AFDN: variants seen among roughly 807,000 people sequenced by gnomAD.
AFDN encodes afadin.
In AFDN, 68 loss-of-function variants were observed where a neutral mutation model predicts 216.6. That is an observed-to-expected ratio of 0.31 (90% CI 0.26 to 0.38). The LOEUF (loss-of-function observed/expected upper bound fraction) is 0.38. Ranked by LOEUF, AFDN falls within the 10% of genes least tolerant of loss-of-function variation. The probability of loss-of-function intolerance (pLI) is 1.00; values close to 1 mark genes in which losing one functional copy is unlikely to be tolerated. For synonymous variants in AFDN, 868 were observed against 853.7 expected (o/e 1.02, Z -0.29); for missense variants, 2,136 against 2,342.0 (o/e 0.91, Z 1.82).
chr6:167,836,770 T>G (rs1780489353), intron 1 of AFDN, among the ~76,000 whole-genome samples: 1 of 152,216 alleles, frequency 6.6e-6, no homozygotes, highest in South Asian at 2.1e-4. Context: ...AACCGTTTAG[T>G]GCATCATGCT....
At chr6:167,865,389 T>C (rs1784063755) in intron 2 of AFDN, among the ~76,000 whole-genome samples, 1 of 152,042 alleles carries the variant, frequency 6.6e-6, no homozygotes, top group Admixed American at 6.5e-5. Context: ...CCTGACACTT[T>C]GGGAGGCTGA....
intron 6 of AFDN, among the ~76,000 whole-genome samples, chr6:167,882,776 A>G (rs1410648084): frequency 6.6e-6 from 1 of 152,228 alleles, no homozygotes; most frequent in Non-Finnish European, 1.5e-5. Context: ...ATAATGGTAT[A>G]ATTGCTTTGA....
intron 1 of AFDN, among the ~76,000 whole-genome samples, chr6:167,834,582 G>A (rs187493856): frequency 1.6e-4 from 24 of 147,950 alleles, no homozygotes; most frequent in African/African-American, 5.2e-4. Context: ...CCCATGGAAC[G>A]ATTCTTTTTA....
In AFDN at chr6:167,924,983, AAC is replaced by A; in HGVS notation, c.3013-21_3013-20del. 3 of 1,558,654 alleles carry A rather than the reference AAC, an allele frequency of 1.9e-6. No individual in the cohort carries two copies. Among genetic ancestry groups the A allele is most frequent in the Non-Finnish European group, 2.7e-6 (3 of 1,129,650 alleles). ...GCACTTCCATTTCAGTCATAAAATAAACCTTTGTTTTCATCCTTTAGGCTCAG... is the reference window on the plus strand; with the variant it reads ...GCACTTCCATTTCAGTCATAAAATAACTTTGTTTTCATCCTTTAGGCTCAG... On this transcript the variant is annotated intron_variant, in intron 22 of 33. Transcript: ENST00000683244.
chr6:167,882,221 ATAAAG>A (rs1463058120), intron 6 of AFDN, among the ~76,000 whole-genome samples: 3 of 152,302 alleles, frequency 2.0e-5, no homozygotes, highest in East Asian at 3.9e-4. Context: ...TAAAAAATAT[ATAAAG>A]TAAATAAGCG....
chr6:167,935,135 T>G (rs1793824524), intron 23 of AFDN, among the ~76,000 whole-genome samples: 1 of 152,200 alleles, frequency 6.6e-6, no homozygotes, highest in Non-Finnish European at 1.5e-5. Flanking sequence ...TTTGTCCTCC[T>G]TTCTTCTCTC....
At chr6:167,889,704 G>A (rs2285239) in intron 7 of AFDN, among the ~76,000 whole-genome samples, 133,718 of 152,264 alleles carry the variant, frequency 0.88, 58,936 homozygotes, top group Non-Finnish European at 0.92. Context: ...GAGTGTTGCC[G>A]TTGTCCCTAA....
At chr6:167,964,604 C>T (rs905950597) in intron 31 of AFDN, 11 of 1,043,178 alleles carry the variant, frequency 1.1e-5, no homozygotes, top group African/African-American at 5.3e-5. Flanking sequence ...AGTGACATTG[C>T]GTATTCACTC....
intron 1 of AFDN, among the ~76,000 whole-genome samples, chr6:167,852,435 CT>C (rs1405987280): frequency 1.3e-5 from 2 of 152,126 alleles, no homozygotes; most frequent in Admixed American, 6.5e-5. Context: ...GCTTTAAAGG[CT>C]TGAATGGATT....
intron 13 of AFDN, among the ~76,000 whole-genome samples, chr6:167,910,744 G>T (rs1225971359): frequency 1.3e-5 from 2 of 152,132 alleles, no homozygotes; most frequent in Non-Finnish European, 2.9e-5. Flanking sequence ...TTTTCTTTGT[G>T]TCACTTAGTA....
intron 11 of AFDN, among the ~76,000 whole-genome samples, 156 bp from the exon 12 acceptor site, chr6:167,902,161 G>GT (rs1245800565): frequency 6.6e-6 from 1 of 151,706 alleles, no homozygotes; most frequent in Non-Finnish European, 1.5e-5. Flanking sequence ...TCATAAGGTG[G>GT]TTTTTTAATT....
chr6:167,898,066 T>G, intron 10 of AFDN, 139 bp from the exon 11 acceptor site: 1 of 896,780 alleles, frequency 1.1e-6, no homozygotes, highest in Non-Finnish European at 1.7e-6. Context: ...TTGAGGGAAA[T>G]CCACTTTAAA....
At chr6:167,963,158 A>T in intron 31 of AFDN, 1 of 1,065,902 alleles carries the variant, frequency 9.4e-7, no homozygotes, top group East Asian at 5.0e-5. Context: ...CTTTTAATTG[A>T]ATTTTAAAAT....
At chr6:167,855,292 A>G (rs1356826052) in intron 1 of AFDN, among the ~76,000 whole-genome samples, 1 of 152,130 alleles carries the variant, frequency 6.6e-6, no homozygotes, top group African/African-American at 2.4e-5. Flanking sequence ...GGACGGTTGA[A>G]CTACTTGTTG....
At chr6:167,955,622 C>A (rs1236142840) in intron 30 of AFDN, among the ~76,000 whole-genome samples, 1 of 152,138 alleles carries the variant, frequency 6.6e-6, no homozygotes, top group African/African-American at 2.4e-5. Flanking sequence ...AAGAGAGTTT[C>A]TTATACTATG....
Position 167,890,958 on chromosome 6 carries a change from G to A in AFDN, c.1106G>A (p.Arg369Lys), listed in dbSNP as rs749469430. The change falls in exon 8 of 34, where the codon AGA (arginine) becomes AAA (lysine). Residue 369 changes from arginine (R) to lysine (K), a missense_variant. Physicochemically the swap from Arg to Lys is conservative, Grantham distance 26. Transcript: ENST00000683244. ...LEGKTPKGKE[R>K]ADGSGYGSTL... ...GGCAAGACACCCAAGGGAAAGGAGA[G>A]AGCTGACGGGTCTGGCTATGGCTCC... The A allele has an allele frequency of 5.0e-6, 8 of 1,614,152 alleles. 1 individual carries two copies. In the South Asian group the frequency reaches 8.8e-5, roughly 18 times the overall value.
intron 23 of AFDN, chr6:167,932,474 A>G (rs1054872099): frequency 8.6e-5 from 13 of 151,984 alleles, no homozygotes; most frequent in Non-Finnish European, 1.8e-4. Context: ...CCTCCTTTTT[A>G]TTTTTCTAAG....
chr6:167,894,855 A>T (rs1369308147), intron 9 of AFDN, among the ~76,000 whole-genome samples: 2 of 152,198 alleles, frequency 1.3e-5, no homozygotes, highest in East Asian at 3.8e-4. Context: ...CAGAATTCGG[A>T]AGAATATGAA....
At chr6:167,922,637 G>A (rs1168192491) in intron 21 of AFDN, among the ~76,000 whole-genome samples, 1 of 152,198 alleles carries the variant, frequency 6.6e-6, no homozygotes, top group Non-Finnish European at 1.5e-5. Flanking sequence ...GGAGTGGGAG[G>A]CCAATTTTAC....
Sources: allele counts gnomAD v4.1 joint callset (sites outside exome capture counted in the v4.1 genomes callset), GRCh38; gene constraint gnomAD v4.1.1; transcripts MANE v1.5; gene names NCBI Gene and HGNC (gene_info 2026-07-23, HGNC 2026-07-21).